The following NEK11 variants were observed in gnomAD, a reference collection of about 807,000 sequenced individuals.
NEK11 encodes the protein serine/threonine-protein kinase Nek11.
In NEK11, 72 loss-of-function variants were observed where a neutral mutation model predicts 80.7. The ratio of observed to expected loss-of-function variants is 0.89; its 90% confidence interval spans 0.74 to 1.08. The LOEUF is 1.08. NEK11 is among the 50% of genes least tolerant of loss of function. NEK11 has a pLI of 0.00. For synonymous variants in NEK11, 251 were observed against 260.7 expected (o/e 0.96, Z 0.36); for missense variants, 764 against 763.6 (o/e 1.00, Z -0.01).
rs1016993554 is a variant in NEK11 at position 131,200,886 on chromosome 3, C to T, written c.1400-27642C>T. On this transcript the variant is annotated intron_variant, in intron 14 of 17. Coordinates refer to ENST00000383366, the MANE Select transcript of NEK11 (RefSeq NM_024800.5). ...GTGCTGCGAGCAGCAGGACCTAGAC[C>T]GAACCCCTGGTGTTTCGGTAACATG... 8.5e-5 allele frequency among the ~76,000 whole-genome samples: 13 copies of T among 152,108 alleles called. No homozygotes were observed. The South Asian group carries it at 1.0e-3, about 12-fold the overall frequency.
chr3:131,289,021 T>A (rs1168462810), intron 17 of NEK11, among the ~76,000 whole-genome samples: 1 of 152,206 alleles, frequency 6.6e-6, no homozygotes, highest in African/African-American at 2.4e-5. Context: ...GGTGTATTAG[T>A]CTGCTCGGGT....
At chr3:131,104,336 C>T (rs1046025369) in intron 4 of NEK11, among the ~76,000 whole-genome samples, 2 of 152,062 alleles carry the variant, frequency 1.3e-5, no homozygotes, top group African/African-American at 2.4e-5. Flanking sequence ...GCTGGAAGGC[C>T]GTGCCCAATC....
chr3:131,269,513 T>G (rs998213487), intron 16 of NEK11, among the ~76,000 whole-genome samples: 3 of 152,178 alleles, frequency 2.0e-5, no homozygotes, highest in African/African-American at 7.2e-5. Context: ...TTCCCTTGGC[T>G]AGGCGACGCC....
At chr3:131,328,101 T>C (rs1039646485) in intron 17 of NEK11, among the ~76,000 whole-genome samples, 1 of 151,834 alleles carries the variant, frequency 6.6e-6, no homozygotes, top group Non-Finnish European at 1.5e-5. Flanking sequence ...CTGGGAAACA[T>C]AGCAAGACAC....
intron 17 of NEK11, among the ~76,000 whole-genome samples, chr3:131,320,495 G>A (rs1386004321): frequency 1.3e-5 from 2 of 151,240 alleles, no homozygotes; most frequent in African/African-American, 4.9e-5. Flanking sequence ...ATGCAAATCT[G>A]TCCTCCAGAG....
At chr3:131,047,983 C>T (rs146382090) in intron 3 of NEK11, among the ~76,000 whole-genome samples, 1 of 152,214 alleles carries the variant, frequency 6.6e-6, no homozygotes, top group East Asian at 1.9e-4. Flanking sequence ...GTGTGGTTCT[C>T]AGGCCAGTGG....
intron 3 of NEK11, among the ~76,000 whole-genome samples, chr3:131,057,298 T>G (rs1274861366): frequency 6.6e-6 from 1 of 152,090 alleles, no homozygotes; most frequent in Non-Finnish European, 1.5e-5. Context: ...TGTTGGACGT[T>G]TAGGTTGGTT....
rs990110341 is a variant in NEK11, at chr3:131,097,481, G to A, written c.337-12322G>A. Among the ~76,000 whole-genome samples, 453 of 152,130 alleles carry A rather than the reference G, an allele frequency of 3.0e-3. 1 individual carries two copies. The highest frequency in any genetic ancestry group is 6.8e-3 in the Middle Eastern group (2 of 294). On this transcript the variant is annotated intron_variant, in intron 4 of 17. Coordinates refer to ENST00000383366, the MANE Select transcript of NEK11 (RefSeq NM_024800.5). The stretch of plus-strand genomic sequence containing the variant: ...GGTTTTGATTTGCATTTCTCTAATG[G>A]CCAGTGATGATGAGCATTTTTTCAT...
intron 3 of NEK11, among the ~76,000 whole-genome samples, chr3:131,032,750 A>G (rs192025071): frequency 6.6e-6 from 1 of 152,342 alleles, no homozygotes; most frequent in African/African-American, 2.4e-5. Context: ...TAGGATTGTA[A>G]TAAGAATACG....
chr3:131,254,840 T>C (rs191029672), intron 16 of NEK11, among the ~76,000 whole-genome samples: 10 of 152,086 alleles, frequency 6.6e-5, no homozygotes, highest in African/African-American at 2.4e-4. Flanking sequence ...GCCAACATGG[T>C]GAAACCCCGT....
chr3:131,268,451 C>T (rs1174699134), intron 16 of NEK11, among the ~76,000 whole-genome samples: 1 of 152,162 alleles, frequency 6.6e-6, no homozygotes, highest in Admixed American at 6.5e-5. Flanking sequence ...GATGGGGTTT[C>T]TGAGTGGATG....
chr3:131,318,071 T>G (rs961578439), intron 17 of NEK11, among the ~76,000 whole-genome samples: 10 of 151,872 alleles, frequency 6.6e-5, no homozygotes, highest in Non-Finnish European at 1.5e-4. Context: ...CTTCTCCCAT[T>G]AGATAAAATA....
intron 3 of NEK11, among the ~76,000 whole-genome samples, chr3:131,070,534 T>A (rs1199586850): frequency 6.6e-6 from 1 of 152,190 alleles, no homozygotes; most frequent in East Asian, 1.9e-4. Flanking sequence ...GTGAGATTTC[T>A]GTAACTCTCA....
intron 16 of NEK11, among the ~76,000 whole-genome samples, chr3:131,269,499 T>G (rs1307771356): frequency 6.6e-6 from 1 of 152,178 alleles, no homozygotes; most frequent in Admixed American, 6.5e-5. Context: ...CAGTCCCTCA[T>G]GGCTTCCCTT....
chr3:131,130,107 T>C (rs570209679), intron 5 of NEK11, among the ~76,000 whole-genome samples: 2 of 152,328 alleles, frequency 1.3e-5, no homozygotes, highest in South Asian at 4.1e-4. Context: ...TTTGATTTTT[T>C]TTCATTACAG....
At position 131,115,959 on chromosome 3, in the gene NEK11, TTTC is replaced by T. The variant is rs949550889; in HGVS notation, c.455+6041_455+6043del. On this transcript the variant is annotated intron_variant, in intron 5 of 17. Coordinates refer to ENST00000383366, the MANE Select transcript of NEK11 (RefSeq NM_024800.5). ...CTTTCTTTCTTTCTTTCTTTCTTTC[TTTC>T]TTTCTTTCTTTCTTTCTTTCTTTCT... is the stretch of plus-strand genomic sequence containing the variant. Among the ~76,000 whole-genome samples, 14 of 143,598 alleles carry T rather than the reference TTTC, an allele frequency of 9.7e-5. 1 individual carries two copies. Among genetic ancestry groups the T allele is most frequent in the Admixed American group, 8.4e-4 (12 of 14,356 alleles). The allele number at this position is 143,598 out of a possible 152,430, so 94.2% of individuals were successfully genotyped here. A position where few individuals can be genotyped will look rare whatever the true frequency, so the allele number is the denominator to read the frequency against.
chr3:131,063,648 T>G (rs2071336187), intron 3 of NEK11, among the ~76,000 whole-genome samples: 1 of 152,190 alleles, frequency 6.6e-6, no homozygotes, highest in Admixed American at 6.5e-5. Flanking sequence ...AACTGGAGGC[T>G]TAATAAGTTT....
intron 17 of NEK11, among the ~76,000 whole-genome samples, chr3:131,299,236 C>T (rs562947675): frequency 7.9e-5 from 12 of 152,220 alleles, no homozygotes; most frequent in African/African-American, 2.4e-4. Flanking sequence ...TGAAACAGAG[C>T]CTCACTCTAT....
Position 131,102,236 on chromosome 3 carries a change from G to A in NEK11, c.337-7567G>A, listed in dbSNP as rs547004917. Among the ~76,000 whole-genome samples the A allele has an allele frequency of 5.3e-5, 8 of 152,170 alleles. No homozygotes were observed. In the East Asian group the frequency reaches 7.7e-4, roughly 15 times the overall value. On this transcript the variant is annotated intron_variant, in intron 4 of 17. Transcript: ENST00000383366. ...TGATCCTGTCATCATGTTGTTAGCC[G>A]GTTGTTATGTAGAATTAAGATTGCT... is the stretch of plus-strand genomic sequence containing the variant.
Sources: allele counts gnomAD v4.1 joint callset (sites outside exome capture counted in the v4.1 genomes callset), GRCh38; gene constraint gnomAD v4.1.1; transcripts MANE v1.5; gene names NCBI Gene and HGNC (gene_info 2026-07-23, HGNC 2026-07-21).